BAZ2B: variants seen among roughly 807,000 people sequenced by gnomAD.
BAZ2B encodes the protein bromodomain adjacent to zinc finger domain 2B, also known as bromodomain adjacent to zinc finger domain protein 2B.
In BAZ2B, 91 loss-of-function variants were observed where a neutral mutation model predicts 246.0. The ratio of observed to expected loss-of-function variants is 0.37; its 90% confidence interval spans 0.31 to 0.44. The LOEUF is 0.44. BAZ2B is among the 20% of genes least tolerant of loss of function. The pLI, the probability that BAZ2B is intolerant of heterozygous loss-of-function variation, is 1.00. For synonymous variants in BAZ2B, 855 were observed against 860.0 expected, an observed-to-expected ratio of 0.99 and a Z score of 0.10; for missense variants, 2,332 against 2,533.7, an observed-to-expected ratio of 0.92 and a Z score of 1.71.
rs761480705 is a variant in BAZ2B, at chr2:159,428,045, GA to G, written c.2365-4del. 6.2e-7 allele frequency: 1 copy of G among 1,610,788 alleles called. No individual in the cohort carries two copies. Among genetic ancestry groups the G allele is most frequent in the African/African-American group, 1.3e-5 (1 of 74,770 alleles). ...ATTATTCCATTTCTGCTGAGATACTGAAAAAATCACATATTTTTCCACTTCA... is the reference window on the plus strand; with the variant it reads ...ATTATTCCATTTCTGCTGAGATACTGAAAAATCACATATTTTTCCACTTCA... On this transcript the variant is annotated splice_polypyrimidine_tract_variant and splice_region_variant and intron_variant, in intron 12 of 36. Coordinates refer to ENST00000392783, the MANE Select transcript of BAZ2B (RefSeq NM_013450.4).
At chr2:159,475,496 C>T (rs755361353) in intron 3 of BAZ2B, among the ~76,000 whole-genome samples, 3 of 152,174 alleles carry the variant, frequency 2.0e-5, no homozygotes, top group Non-Finnish European at 2.9e-5. Flanking sequence ...TGGTTTAGAA[C>T]ATGCTCCTTT....
intron 16 of BAZ2B, among the ~76,000 whole-genome samples, chr2:159,403,084 T>C (rs1253803100): frequency 6.6e-6 from 1 of 152,184 alleles, no homozygotes; most frequent in Non-Finnish European, 1.5e-5. Flanking sequence ...GAAAATTGTC[T>C]TAAGGACTAT....
intron 2 of BAZ2B, among the ~76,000 whole-genome samples, chr2:159,497,901 C>G (rs2081327244): frequency 6.6e-6 from 1 of 152,130 alleles, no homozygotes; most frequent in Non-Finnish European, 1.5e-5. Context: ...ATAATCCAAA[C>G]AATATACTCC....
chr2:159,524,900 C>T (rs1451598269), intron 2 of BAZ2B, among the ~76,000 whole-genome samples: 3 of 151,848 alleles, frequency 2.0e-5, no homozygotes, highest in Admixed American at 6.6e-5. Flanking sequence ...CTCTATTTAT[C>T]GTCTTGGAAG....
chr2:159,690,820 T>C, the BAZ2B span, among the ~76,000 whole-genome samples: 1 of 152,202 alleles, frequency 6.6e-6, no homozygotes, highest in South Asian at 2.1e-4. Context: ...TACTATCATA[T>C]CATCTGCAAA....
chr2:159,389,577 C>G (rs1328391964), intron 20 of BAZ2B, 92 bp from the exon 21 acceptor site: 3 of 1,168,788 alleles, frequency 2.6e-6, no homozygotes, highest in Non-Finnish European at 3.4e-6. Flanking sequence ...AATTATTTTG[C>G]TTTTCATTAA....
chr2:159,521,695 C>T (rs1447880704), intron 2 of BAZ2B, among the ~76,000 whole-genome samples: 1 of 151,900 alleles, frequency 6.6e-6, no homozygotes, highest in African/African-American at 2.4e-5. Context: ...GCTTTTTATT[C>T]ATCACATTTA....
At chr2:159,335,898 C>T (rs985342923) in intron 33 of BAZ2B, among the ~76,000 whole-genome samples, 2 of 152,088 alleles carry the variant, frequency 1.3e-5, no homozygotes, top group Non-Finnish European at 2.9e-5. Context: ...CAGTGGCTCA[C>T]GCCTGTAATC....
chr2:159,321,876 C>G (rs572698914), intron 36 of BAZ2B: 2 of 152,172 alleles, frequency 1.3e-5, no homozygotes, highest in South Asian at 2.1e-4. Flanking sequence ...TAATTGTACA[C>G]TTTAAAATAA....
At chr2:159,584,460 A>G (rs1181885522) in intron 1 of BAZ2B, among the ~76,000 whole-genome samples, 8 of 152,124 alleles carry the variant, frequency 5.3e-5, no homozygotes, top group African/African-American at 1.7e-4. Context: ...TGCTATGTTG[A>G]TAATAGACTC....
intron 18 of BAZ2B, 57 bp from the exon 19 acceptor site, chr2:159,397,446 A>C: frequency 8.8e-7 from 1 of 1,133,018 alleles, no homozygotes; most frequent in Non-Finnish European, 1.3e-6. Context: ...GAACATGCTA[A>C]AAGTATTAAA....
At chr2:159,470,447 T>C (rs2077641556) in intron 3 of BAZ2B, among the ~76,000 whole-genome samples, 1 of 152,210 alleles carries the variant, frequency 6.6e-6, no homozygotes, top group African/African-American at 2.4e-5. Context: ...AAATGGTGAA[T>C]TATATTGTAC....
chr2:159,508,352 C>T (rs1438711156), intron 2 of BAZ2B, among the ~76,000 whole-genome samples: 1 of 152,160 alleles, frequency 6.6e-6, no homozygotes, highest in Non-Finnish European at 1.5e-5. Flanking sequence ...TCAGCAAAGT[C>T]AAACTAACAA....
chr2:159,405,916 T>C (rs1201630823), intron 14 of BAZ2B, among the ~76,000 whole-genome samples: 1 of 152,234 alleles, frequency 6.6e-6, no homozygotes, highest in African/African-American at 2.4e-5. Flanking sequence ...AATCCAGTGA[T>C]ATTTTCATTT....
At chr2:159,709,908 A>G in the BAZ2B span, among the ~76,000 whole-genome samples, 67 of 152,372 alleles carry the variant, frequency 4.4e-4, no homozygotes, top group African/African-American at 1.5e-3. Context: ...ATGCTAACTT[A>G]GAGAAGAAGC....
At chr2:159,415,789 C>T (rs1023529998) in intron 13 of BAZ2B, among the ~76,000 whole-genome samples, 4 of 152,282 alleles carry the variant, frequency 2.6e-5, no homozygotes, top group East Asian at 1.9e-4. Flanking sequence ...CTATGAATAT[C>T]GCAGTTAATG....
At chr2:159,316,430 C>G (rs1003804079), downstream of BAZ2B, among the ~76,000 whole-genome samples, 1 of 151,842 alleles carries the variant, frequency 6.6e-6, no homozygotes, top group Admixed American at 6.6e-5. Flanking sequence ...CGGTGGCTCA[C>G]GCCTGTAATC....
rs2065678414 is a variant in BAZ2B at position 159,405,002 on chromosome 2, G to C, written c.2770+20C>G. 1 of 1,612,968 alleles carries C rather than the reference G, an allele frequency of 6.2e-7. No homozygotes were observed. Among genetic ancestry groups the C allele is most frequent in the South Asian group, 1.1e-5 (1 of 91,000 alleles). ...CCCAGTACTGACTCTTCGAGTTTATGTTACATTTAAATCACTCACCTTGTT... is the reference window on the plus strand; with the variant it reads ...CCCAGTACTGACTCTTCGAGTTTATCTTACATTTAAATCACTCACCTTGTT... On this transcript the variant is annotated intron_variant, in intron 15 of 36. Transcript: ENST00000392783.
intron 2 of BAZ2B, among the ~76,000 whole-genome samples, chr2:159,482,943 C>T (rs1339768396): frequency 1.3e-5 from 2 of 152,170 alleles, no homozygotes; most frequent in Non-Finnish European, 2.9e-5. Context: ...AGAGCATCCA[C>T]ATCTGACACC....
Sources: allele counts gnomAD v4.1 joint callset (sites outside exome capture counted in the v4.1 genomes callset), GRCh38; gene constraint gnomAD v4.1.1; transcripts MANE v1.5; gene names NCBI Gene and HGNC (gene_info 2026-07-23, HGNC 2026-07-21).